LRRC4C: variants seen among roughly 807,000 people sequenced by gnomAD.
The protein encoded by LRRC4C is leucine-rich repeat-containing protein 4C.
In LRRC4C, 5 loss-of-function variants were observed where a neutral mutation model predicts 33.6. The ratio of observed to expected loss-of-function variants is 0.15; its 90% confidence interval spans 0.08 to 0.31. LRRC4C has a LOEUF of 0.31. LRRC4C is among the 10% of genes least tolerant of loss of function. The pLI, the probability that LRRC4C is intolerant of heterozygous loss-of-function variation, is 1.00. For synonymous variants in LRRC4C, 329 were observed against 302.0 expected, an observed-to-expected ratio of 1.09 and a Z score of -0.93; for missense variants, 560 against 796.7, an observed-to-expected ratio of 0.70 and a Z score of 3.58.
chr11:40,360,140 TGA>T (rs1708050405), intron 3 of LRRC4C, among the ~76,000 whole-genome samples: 1 of 152,214 alleles, frequency 6.6e-6, no homozygotes, highest in Admixed American at 6.5e-5. Flanking sequence ...AAAGGCAGTA[TGA>T]GAGACTCTTT....
chr11:40,925,575 T>A (rs1019143461), intron 2 of LRRC4C, among the ~76,000 whole-genome samples: 3 of 152,196 alleles, frequency 2.0e-5, no homozygotes, highest in African/African-American at 7.2e-5. Context: ...TTCCACAGCA[T>A]AATCTAATTT....
At chr11:41,186,347 T>A (rs1002348386) in intron 1 of LRRC4C, among the ~76,000 whole-genome samples, 1 of 152,346 alleles carries the variant, frequency 6.6e-6, no homozygotes, top group Non-Finnish European at 1.5e-5. Flanking sequence ...CCACTAAATA[T>A]AGCTGCTGTG....
chr11:40,147,649 A>T lies in LRRC4C; in HGVS notation c.-95-6796T>A, dbSNP rs371289529. ...TAGGTTAGACAGATAATAAATAATT[A>T]AAAAAAAAGATGAGGTAGACATAAT... On this transcript the variant is annotated intron_variant, in intron 5 of 6. Coordinates refer to ENST00000528697, the MANE Select transcript of LRRC4C (RefSeq NM_001258419.2). 1.8e-4 allele frequency among the ~76,000 whole-genome samples: 27 copies of T among 150,492 alleles called. 1 individual carries two copies. Among genetic ancestry groups the T allele is most frequent in the African/African-American group, 4.7e-4 (19 of 40,364 alleles).
At chr11:41,070,156 AAAC>A (rs1413196797) in intron 1 of LRRC4C, among the ~76,000 whole-genome samples, 3 of 152,216 alleles carry the variant, frequency 2.0e-5, no homozygotes, top group African/African-American at 7.2e-5. Context: ...TGACAAAAAC[AAAC>A]AATGGGGAAA....
At chr11:40,866,438 T>C (rs1242543408) in intron 2 of LRRC4C, among the ~76,000 whole-genome samples, 1 of 152,182 alleles carries the variant, frequency 6.6e-6, no homozygotes, top group East Asian at 1.9e-4. Flanking sequence ...AATTATGCTA[T>C]AATTAAGATG....
intron 1 of LRRC4C, among the ~76,000 whole-genome samples, chr11:41,411,451 G>A (rs1311197197): frequency 6.6e-6 from 1 of 151,884 alleles, no homozygotes; most frequent in Non-Finnish European, 1.5e-5. Flanking sequence ...CCCAGCCTTG[G>A]TTGGTACCCT....
intron 3 of LRRC4C, among the ~76,000 whole-genome samples, chr11:40,434,473 G>T (rs1951061768): frequency 6.6e-6 from 1 of 152,192 alleles, no homozygotes; most frequent in Non-Finnish European, 1.5e-5. Flanking sequence ...AAAGTGGCAA[G>T]ACACACGACT....
intron 3 of LRRC4C, among the ~76,000 whole-genome samples, chr11:40,623,468 C>T (rs1324196977): frequency 1.3e-5 from 2 of 151,766 alleles, no homozygotes; most frequent in Non-Finnish European, 2.9e-5. Flanking sequence ...TTGGTTCATA[C>T]TCACTTTCTT....
chr11:41,108,610 T>C (rs1941650586), intron 1 of LRRC4C, among the ~76,000 whole-genome samples: 1 of 152,140 alleles, frequency 6.6e-6, no homozygotes. Context: ...TTAATTTGTA[T>C]ATTGTATGAA....
intron 1 of LRRC4C, among the ~76,000 whole-genome samples, chr11:41,315,033 T>C (rs1950746681): frequency 6.6e-6 from 1 of 152,144 alleles, no homozygotes; most frequent in Admixed American, 6.5e-5. Context: ...AAGACCAACT[T>C]AGTTGCTCCA....
chr11:40,493,210 A>C (rs1954253134), intron 3 of LRRC4C, among the ~76,000 whole-genome samples: 1 of 152,086 alleles, frequency 6.6e-6, no homozygotes. Context: ...CTACTTTAAG[A>C]ATGGGAAAAA....
intron 1 of LRRC4C, among the ~76,000 whole-genome samples, chr11:41,409,543 G>A (rs1177134477): frequency 1.3e-5 from 2 of 152,082 alleles, no homozygotes; most frequent in African/African-American, 4.8e-5. Context: ...TTTTACAACT[G>A]ATGAAACAGA....
chr11:41,125,822 G>A (rs1490516769), intron 1 of LRRC4C, among the ~76,000 whole-genome samples: 1 of 152,056 alleles, frequency 6.6e-6, no homozygotes, highest in Non-Finnish European at 1.5e-5. Context: ...AGAAAGGATG[G>A]TTATAAAATA....
At chr11:40,481,976 G>A (rs528988058) in intron 3 of LRRC4C, among the ~76,000 whole-genome samples, 2 of 152,142 alleles carry the variant, frequency 1.3e-5, no homozygotes, top group Non-Finnish European at 2.9e-5. Context: ...TTGTGAACAT[G>A]AGGTTAAATA....
At chr11:41,065,813 C>T (rs772430834) in intron 1 of LRRC4C, among the ~76,000 whole-genome samples, 8 of 152,106 alleles carry the variant, frequency 5.3e-5, no homozygotes, top group Non-Finnish European at 8.8e-5. Context: ...GCAGACGTGC[C>T]GAAGAGGGGC....
At chr11:40,894,977 C>A (rs547657673) in intron 2 of LRRC4C, among the ~76,000 whole-genome samples, 7 of 152,104 alleles carry the variant, frequency 4.6e-5, no homozygotes, top group Non-Finnish European at 1.0e-4. Context: ...TAACTCATAT[C>A]TCTCTTTTTT....
In LRRC4C at chr11:41,064,637, T is replaced by C. The variant is rs555054897; in HGVS notation, c.-495-130914A>G. 1.2e-4 allele frequency among the ~76,000 whole-genome samples: 18 copies of C among 152,316 alleles called. No individual in the cohort carries two copies. In the South Asian group the frequency reaches 3.5e-3, roughly 30 times the overall value. On this transcript the variant is annotated intron_variant, in intron 1 of 6. Coordinates refer to ENST00000528697, the MANE Select transcript of LRRC4C (RefSeq NM_001258419.2). The stretch of plus-strand genomic sequence containing the variant: ...AATTGTGACCCACCAGGGGCCAAGA[T>C]GGCTGAATAGAAACAGCTCTGTTCT...
rs74372483 is a variant in LRRC4C at position 41,023,957 on chromosome 11, A to G, written c.-495-90234T>C. Among the ~76,000 whole-genome samples, 4 of 151,922 alleles carry G rather than the reference A, an allele frequency of 2.6e-5. No homozygotes were observed. The East Asian group carries it at 7.8e-4, about 30-fold the overall frequency. On this transcript the variant is annotated intron_variant, in intron 1 of 6. Transcript: ENST00000528697. ...GAATATTCATCATTTATCTCCTGTT[A>G]CTTTGTCAGGTGCTTGGCTTGTGTT...
chr11:40,992,446 C>T (rs1436410657), intron 1 of LRRC4C, among the ~76,000 whole-genome samples: 18 of 125,298 alleles, frequency 1.4e-4, no homozygotes, highest in East Asian at 7.7e-4. Flanking sequence ...TTTTTTTTTT[C>T]GGATTCTCAG....
Sources: gnomAD v4.1 joint callset for allele counts (sites outside exome capture counted in the v4.1 genomes callset) on GRCh38, gnomAD v4.1.1 for gene constraint, MANE v1.5 for transcripts, NCBI Gene and HGNC (gene_info 2026-07-23, HGNC 2026-07-21) for gene names.